Variants in BIRC5 observed in about 807,000 individuals in gnomAD.
BIRC5 encodes baculoviral IAP repeat-containing protein 5.
In BIRC5, 8 loss-of-function variants were observed where a neutral mutation model predicts 15.8. The observed-to-expected ratio is 0.51, with a 90% CI of 0.30 to 0.91. The LOEUF is 0.91. Ranked by LOEUF, BIRC5 falls within the 40% of genes least tolerant of loss-of-function variation. BIRC5 has a pLI of 0.07. For missense variants in BIRC5, 163 were observed against 178.6 expected, an observed-to-expected ratio of 0.91 and a Z score of 0.50; for synonymous variants, 56 against 64.5, an observed-to-expected ratio of 0.87 and a Z score of 0.63.
At chr17:78,223,342 G>C in intron 3 of BIRC5, 123 bp from the exon 4 acceptor site, 1 of 930,950 alleles carries the variant, frequency 1.1e-6, no homozygotes, top group South Asian at 2.0e-5. Flanking sequence ...GCCTAGCCCA[G>C]TGCCCAGTTT....
At chr17:78,215,459 C>T (rs1599027550) in intron 2 of BIRC5, among the ~76,000 whole-genome samples, 2 of 151,964 alleles carry the variant, frequency 1.3e-5, no homozygotes, top group East Asian at 3.9e-4. Flanking sequence ...AAAGCATATA[C>T]TTCAGTGTTG....
intron 3 of BIRC5, among the ~76,000 whole-genome samples, chr17:78,217,837 G>A (rs1404886264): frequency 6.6e-6 from 1 of 151,200 alleles, no homozygotes. Context: ...CTGTCACCTG[G>A]GCTGCAGTGC....
intron 3 of BIRC5, among the ~76,000 whole-genome samples, chr17:78,220,256 G>A (rs1265437643): frequency 6.6e-6 from 1 of 151,966 alleles, no homozygotes; most frequent in Non-Finnish European, 1.5e-5. Context: ...GTGAAACCCC[G>A]TCTTTACTAA....
chr17:78,214,755 G>T lies in BIRC5; in HGVS notation c.187G>T (p.Glu63Ter). Residue 63 changes from glutamate (E) to a stop codon, truncating the protein, a stop_gained, in exon 2 of 4, where the codon GAG (glutamate) becomes TAG (stop). Transcript: ENST00000350051. LOFTEE classifies it high-confidence loss of function. ...GGCCCAGTGTTTCTTCTGCTTCAAG[G>T]AGCTGGAAGGCTGGGAGCCAGATGA... ...DLAQCFFCFK[E>*]LEGWEPDDDP... The T allele has an allele frequency of 6.2e-7, 1 of 1,613,332 alleles. No individual in the cohort carries two copies. The highest frequency in any genetic ancestry group is 1.1e-5 in the South Asian group (1 of 90,842).
chr17:78,224,275 T>C lies in BIRC5; in HGVS notation c.*721T>C, dbSNP rs907503797. The stretch of plus-strand genomic sequence containing the variant: ...ACTTCAGGTGGATGAGGAGACAGAA[T>C]AGAGTGATAGGAAGCGTCTGGCAGA... On this transcript the variant is annotated 3_prime_UTR_variant, in exon 4 of 4. Transcript: ENST00000350051. 1 of 152,204 alleles carries C rather than the reference T, an allele frequency of 6.6e-6. No individual in the cohort carries two copies. Among genetic ancestry groups the C allele is most frequent in the African/African-American group, 2.4e-5 (1 of 41,448 alleles). 9.4% of individuals were successfully genotyped at this position (152,204 alleles called of 1,614,324 possible). A position where few individuals can be genotyped will look rare whatever the true frequency, so the allele number is the denominator to read the frequency against.
At chr17:78,219,316 C>G (rs2076500830) in intron 3 of BIRC5, among the ~76,000 whole-genome samples, 1 of 152,162 alleles carries the variant, frequency 6.6e-6, no homozygotes, top group African/African-American at 2.4e-5. Flanking sequence ...TCCCAAGTAG[C>G]TGAGATTATA....
At position 78,214,758 on chromosome 17, in the gene BIRC5, C is replaced by T; in HGVS notation, c.190C>T (p.Leu64=). 1 of 1,613,276 alleles carries T rather than the reference C, an allele frequency of 6.2e-7. No homozygotes were observed. Among genetic ancestry groups the T allele is most frequent in the South Asian group, 1.1e-5 (1 of 90,836 alleles). Residue 64 remains leucine, a synonymous_variant, in exon 2 of 4, where the codon CTG becomes TTG. Transcript: ENST00000350051. ...CCAGTGTTTCTTCTGCTTCAAGGAG[C>T]TGGAAGGCTGGGAGCCAGATGACGA... ...LAQCFFCFKE[L]EGWEPDDDPI...
At chr17:78,221,750 G>A (rs1395451266) in intron 3 of BIRC5, among the ~76,000 whole-genome samples, 1 of 152,250 alleles carries the variant, frequency 6.6e-6, no homozygotes, top group Admixed American at 6.5e-5. Context: ...TAGCATGTAT[G>A]CAAAGGAGCT....
Position 78,214,333 on chromosome 17 carries a change from T to C in BIRC5, c.17T>C (p.Leu6Ser). The C allele has an allele frequency of 1.9e-6, 3 of 1,608,252 alleles. No individual in the cohort carries two copies. The highest frequency in any genetic ancestry group is 2.2e-5 in the South Asian group (2 of 90,694). Residue 6 changes from leucine (L) to serine (S), a missense_variant, in exon 1 of 4, where the codon TTG (leucine) becomes TCG (serine). Leu to Ser is a moderately radical substitution (Grantham distance 145). Coordinates refer to ENST00000350051, the MANE Select transcript of BIRC5 (RefSeq NM_001168.3). MGAPT[L>S]PPAWQPFLKD... is the part of the protein sequence containing the mutation. ...GGCGGCGGCATGGGTGCCCCGACGT[T>C]GCCCCCTGCCTGGCAGCCCTTTCTC...
rs550886462 is a variant in BIRC5 at position 78,222,926 on chromosome 17, C to T, written c.340-539C>T. On this transcript the variant is annotated intron_variant, in intron 3 of 3. Transcript: ENST00000350051. ...GTTCGAGGAAGAGCCTGATGTTTGC[C>T]AGGGTCTGTTTAACTGGACATGAAG... 37 of 1,533,748 alleles carry T rather than the reference C, an allele frequency of 2.4e-5. 1 individual carries two copies. The South Asian group carries it at 4.1e-4, about 17-fold the overall frequency.
At chr17:78,219,798 G>A (rs1031288752) in intron 3 of BIRC5, among the ~76,000 whole-genome samples, 2 of 152,188 alleles carry the variant, frequency 1.3e-5, no homozygotes, top group African/African-American at 4.8e-5. Context: ...ACAAAAAAAG[G>A]CCATGACGGG....
chr17:78,214,790 G>C lies in BIRC5; in HGVS notation c.221+1G>C. On this transcript the variant is annotated splice_donor_variant, in intron 2 of 3. Coordinates refer to ENST00000350051, the MANE Select transcript of BIRC5 (RefSeq NM_001168.3). LOFTEE classifies it high-confidence loss of function. ...GCTGGGAGCCAGATGACGACCCCAT[G>C]TAAGTCTTCTCTGGCCAGCCTCGAT... The C allele has an allele frequency of 6.2e-7, 1 of 1,610,908 alleles. No homozygotes were observed.
At position 78,214,489 on chromosome 17, in the gene BIRC5, A is replaced by G. The variant is rs536546621; in HGVS notation, c.111+62A>G. The G allele has an allele frequency of 2.0e-4, 280 of 1,424,456 alleles. 1 individual carries two copies. The East Asian group carries it at 3.1e-3, about 16-fold the overall frequency. 88.2% of individuals were successfully genotyped at this position (1,424,456 alleles called of 1,614,324 possible). On this transcript the variant is annotated intron_variant, in intron 1 of 3. Transcript: ENST00000350051. ...GCCTTGCCCTGTCCCTAGCGAGGCC[A>G]CTGTGACTGGGCCTCGGGGGTACAA...
chr17:78,220,344 C>T (rs962438258), intron 3 of BIRC5, among the ~76,000 whole-genome samples: 1 of 151,722 alleles, frequency 6.6e-6, no homozygotes, highest in African/African-American at 2.4e-5. Context: ...AGGAGAATGG[C>T]GTGAACCTGG....
At chr17:78,219,355 T>C (rs529776853) in intron 3 of BIRC5, among the ~76,000 whole-genome samples, 1 of 152,090 alleles carries the variant, frequency 6.6e-6, no homozygotes, top group East Asian at 1.9e-4. Context: ...CAGCTAACTT[T>C]TGTATTTTTA....
Position 78,224,592 on chromosome 17 carries a change from G to A in BIRC5, c.*1038G>A, listed in dbSNP as rs1005104267. Reference sequence around the variant, plus strand: ...TGGCGTAAGATGATGGATTTGATTCGCCCTCCTCCCTGTCATAGAGCTGCA... The same window carrying A: ...TGGCGTAAGATGATGGATTTGATTCACCCTCCTCCCTGTCATAGAGCTGCA... On this transcript the variant is annotated 3_prime_UTR_variant, in exon 4 of 4. Transcript: ENST00000350051. The A allele has an allele frequency of 6.6e-6, 1 of 152,196 alleles. No homozygotes were observed. Among genetic ancestry groups the A allele is most frequent in the African/African-American group, 2.4e-5 (1 of 41,440 alleles). 9.4% of individuals were successfully genotyped at this position (152,196 alleles called of 1,614,324 possible). A position where few individuals can be genotyped will look rare whatever the true frequency, so the allele number is the denominator to read the frequency against.
At position 78,220,404 on chromosome 17, in the gene BIRC5, G is replaced by A. The variant is rs527953266; in HGVS notation, c.340-3061G>A. On this transcript the variant is annotated intron_variant, in intron 3 of 3. Transcript: ENST00000350051. ...GATCGCGCCACTGCACTCCAGCCTG[G>A]GCGACAGAGCGAGACTCCGTCTCAA... is the stretch of plus-strand genomic sequence containing the variant. Among the ~76,000 whole-genome samples the A allele has an allele frequency of 2.8e-3, 426 of 150,910 alleles. 1 individual carries two copies. The highest frequency in any genetic ancestry group is 9.1e-3 in the African/African-American group (372 of 41,054).
intron 3 of BIRC5, chr17:78,223,050 C>G (rs1003104972): frequency 1.2e-5 from 7 of 582,476 alleles, no homozygotes; most frequent in African/African-American, 3.7e-5. Context: ...CCTAGACTAG[C>G]TGGGGTGCCC....
At chr17:78,221,227 C>T (rs955944334) in intron 3 of BIRC5, among the ~76,000 whole-genome samples, 2 of 152,050 alleles carry the variant, frequency 1.3e-5, no homozygotes, top group Non-Finnish European at 2.9e-5. Flanking sequence ...GAAGGAGAGG[C>T]GAGTTGTAGA....
Sources: allele counts gnomAD v4.1 joint callset (sites outside exome capture counted in the v4.1 genomes callset), GRCh38; gene constraint gnomAD v4.1.1; transcripts MANE v1.5; gene names NCBI Gene and HGNC (gene_info 2026-07-23, HGNC 2026-07-21).